Variants in ADGRV1 observed in about 807,000 individuals in gnomAD.
The protein encoded by ADGRV1 is G-protein coupled receptor 98.
A neutral mutation model predicts 596.2 loss-of-function variants in ADGRV1; 359 were observed. That is an observed-to-expected ratio of 0.60 (90% CI 0.55 to 0.66). The LOEUF is 0.66. Ranked by LOEUF, ADGRV1 falls within the 30% of genes least tolerant of loss-of-function variation. ADGRV1 has a pLI of 0.00. For synonymous variants in ADGRV1, 2,681 were observed against 2,679.2 expected (o/e 1.00, Z -0.02); for missense variants, 7,274 against 7,575.6 (o/e 0.96, Z 1.48).
chr5:90,696,810 T>C (rs1178949698), intron 33 of ADGRV1, 127 bp from the exon 34 acceptor site: 5 of 572,878 alleles, frequency 8.7e-6, no homozygotes, highest in Non-Finnish European at 1.2e-5. Flanking sequence ...GCCCATGATA[T>C]GGAACTGTTA....
chr5:90,647,697 A>G lies in ADGRV1; in HGVS notation c.3222A>G (p.Ile1074Met), dbSNP rs751404994. Residue 1074 changes from isoleucine (I) to methionine (M), a missense_variant, in exon 17 of 90, where the codon ATA (isoleucine) becomes ATG (methionine). By Grantham distance (10) the Ile-to-Met change is conservative. Around this residue, in one of 5 missense-constraint regions of ADGRV1, gnomAD observed 1,715 missense variants for 1,708.8 expected, o/e 1.00. Transcript: ENST00000405460. ...GAAGTAGACAGCAGAGCATATCCATATTTGTTAATGAAGATGGTATCCCGG... is the reference window on the plus strand; with the variant it reads ...GAAGTAGACAGCAGAGCATATCCATGTTTGTTAATGAAGATGGTATCCCGG... ...EVGSRQQSISIFVNEDGIPET... is the reference protein window; with the variant it reads ...EVGSRQQSISMFVNEDGIPET... 4.3e-6 allele frequency: 7 copies of G among 1,613,442 alleles called. No homozygotes were observed. In the South Asian group the frequency reaches 7.7e-5, roughly 18 times the overall value.
chr5:90,622,822 CCT>C lies in ADGRV1; in HGVS notation c.558+124_558+125del, dbSNP rs199840088. On this transcript the variant is annotated intron_variant, in intron 5 of 89. Transcript: ENST00000405460. ...GTGGTGCGATCTCAGCTCAATGCAA[CCT>C]CTGCCTCCCAGGTTCAAGTGATTCT... 28,317 of 387,674 alleles carry C rather than the reference CCT, an allele frequency of 0.073. 1,265 individuals are homozygous for C. The highest frequency in any genetic ancestry group is 0.097 in the Non-Finnish European group (21,423 of 221,226). The allele number at this position is 387,674 out of a possible 1,614,324, so 24.0% of individuals were successfully genotyped here.
chr5:90,783,294 A>T lies in ADGRV1; in HGVS notation c.13402A>T (p.Ile4468Leu), dbSNP rs1759056882. The T allele has an allele frequency of 6.2e-7, 1 of 1,612,838 alleles. No individual in the cohort carries two copies. Among genetic ancestry groups the T allele is most frequent in the Non-Finnish European group, 8.5e-7 (1 of 1,179,002 alleles). ...TCAGCATGGGCAAAACTTAAGTTTTATAAATATCTCCATCATTGATGACAA... is the reference window on the plus strand; with the variant it reads ...TCAGCATGGGCAAAACTTAAGTTTTTTAAATATCTCCATCATTGATGACAA... ...TFQHGQNLSF[I>L]NISIIDDNES... The change falls in exon 66 of 90, where the codon ATA becomes TTA. Residue 4468 changes from isoleucine (I) to leucine (L), a missense_variant. By Grantham distance (5) the Ile-to-Leu change is conservative (BLOSUM62 2). This residue lies in a region of ADGRV1 where 3,643 missense variants were observed against 3,809.2 expected (regional missense o/e 0.96). Coordinates refer to ENST00000405460, the MANE Select transcript of ADGRV1 (RefSeq NM_032119.4).
intron 50 of ADGRV1, among the ~76,000 whole-genome samples, chr5:90,739,342 G>A (rs2149875698): frequency 6.6e-6 from 1 of 151,628 alleles, no homozygotes; most frequent in Middle Eastern, 3.4e-3. Flanking sequence ...ATTTCTTTTG[G>A]TCATATTTCC....
intron 83 of ADGRV1, among the ~76,000 whole-genome samples, chr5:90,890,518 G>A (rs148251866): frequency 1.3e-5 from 2 of 152,256 alleles, no homozygotes; most frequent in African/African-American, 4.8e-5. Flanking sequence ...CCTGTTAAAT[G>A]AAGCATATTT....
At chr5:90,957,677 T>G (rs1326538654) in intron 83 of ADGRV1, among the ~76,000 whole-genome samples, 1 of 149,000 alleles carries the variant, frequency 6.7e-6, no homozygotes, top group Admixed American at 6.7e-5. Context: ...TATTACTATA[T>G]GAAGTTTTTC....
At chr5:90,766,384 A>G (rs1757150305) in intron 59 of ADGRV1, among the ~76,000 whole-genome samples, 1 of 152,116 alleles carries the variant, frequency 6.6e-6, no homozygotes, top group African/African-American at 2.4e-5. Flanking sequence ...TACCAAGTCT[A>G]GTCAGTTTTC....
rs527981170 is a variant in ADGRV1, at chr5:91,143,858, T to C, written c.18433-6172T>C. On this transcript the variant is annotated intron_variant, in intron 87 of 89. Transcript: ENST00000405460. ...GGGTGCCTGCAGGCCAGTGCTGAGC[T>C]GCCCTCAGCCCCCCTCAGCCTCCCT... Among the ~76,000 whole-genome samples the C allele has an allele frequency of 2.0e-5, 3 of 152,316 alleles. No homozygotes were observed. The East Asian group carries it at 5.8e-4, about 29-fold the overall frequency.
In ADGRV1 at chr5:90,840,948, A is replaced by G. The variant is rs1265128085; in HGVS notation, c.16982A>G (p.Asp5661Gly). The G allele has an allele frequency of 1.3e-5, 19 of 1,493,020 alleles. 1 individual carries two copies. In the South Asian group the frequency reaches 2.7e-4, roughly 21 times the overall value. 92.5% of individuals were successfully genotyped at this position (1,493,020 alleles called of 1,614,324 possible). ...ATGAAAGTGGCCACAGAAAACACAG[A>G]TGAACAACTCAGTGCCATGATGCAT... ...ISMKVATENTDEQLSAMMHLI... is the reference protein window; with the variant it reads ...ISMKVATENTGEQLSAMMHLI... The change falls in exon 78 of 90, where the codon GAT (aspartate) becomes GGT (glycine). Residue 5661 changes from aspartate to glycine, a missense_variant. Physicochemically the swap from Asp to Gly is moderately conservative, Grantham distance 94. Coordinates refer to ENST00000405460, the MANE Select transcript of ADGRV1 (RefSeq NM_032119.4).
At chr5:90,651,974 T>G (rs1009047022) in intron 18 of ADGRV1, among the ~76,000 whole-genome samples, 2 of 151,458 alleles carry the variant, frequency 1.3e-5, no homozygotes, top group African/African-American at 4.8e-5. Context: ...TTCAATCCTT[T>G]GTGAGACTGA....
chr5:91,161,864 T>TG (rs1395212783), intron 89 of ADGRV1, among the ~76,000 whole-genome samples: 2 of 152,206 alleles, frequency 1.3e-5, no homozygotes, highest in East Asian at 3.8e-4. Context: ...GGTATAGAGA[T>TG]GGGCCCTGAT....
Position 90,755,067 on chromosome 5 carries a change from A to G in ADGRV1, c.11462A>G (p.Asn3821Ser). ...DIAIHLRAQP[N>S]FLLHVDNQAT... is the part of the protein sequence containing the mutation. The stretch of plus-strand genomic sequence containing the variant: ...GCCATTCACTTGAGAGCTCAACCCA[A>G]TTTCTTACTGCATGTCGATAATCAA... The change falls in exon 55 of 90, where the codon AAT (asparagine) becomes AGT (serine). Residue 3821 changes from asparagine to serine, a missense_variant. Asn to Ser is a conservative substitution (Grantham distance 46). Around this residue, in one of 5 missense-constraint regions of ADGRV1, gnomAD observed 3,643 missense variants for 3,809.2 expected, o/e 0.96. Coordinates refer to ENST00000405460, the MANE Select transcript of ADGRV1 (RefSeq NM_032119.4). 2 of 1,612,106 alleles carry G rather than the reference A, an allele frequency of 1.2e-6. No homozygotes were observed. Among genetic ancestry groups the G allele is most frequent in the East Asian group, 2.2e-5 (1 of 44,864 alleles).
chr5:90,782,879 T>C (rs533087224), intron 65 of ADGRV1, among the ~76,000 whole-genome samples: 17 of 152,260 alleles, frequency 1.1e-4, no homozygotes, highest in Admixed American at 9.2e-4. Context: ...ATGCTACTGA[T>C]TAAATACATT....
At chr5:91,091,165 T>G (rs1018927552) in intron 86 of ADGRV1, among the ~76,000 whole-genome samples, 22 of 152,142 alleles carry the variant, frequency 1.4e-4, no homozygotes, top group Admixed American at 3.9e-4. Flanking sequence ...TCCCTCCCTC[T>G]CTTTTTCCCT....
At chr5:90,964,349 C>T (rs181103121) in intron 83 of ADGRV1, among the ~76,000 whole-genome samples, 58 of 152,088 alleles carry the variant, frequency 3.8e-4, no homozygotes, top group Middle Eastern at 6.8e-3. Flanking sequence ...TTTTAATAAA[C>T]GCTTATTGAT....
intron 38 of ADGRV1, among the ~76,000 whole-genome samples, chr5:90,707,793 A>G (rs1356563033): frequency 1.3e-5 from 2 of 151,964 alleles, no homozygotes; most frequent in African/African-American, 4.8e-5. Flanking sequence ...CCTTTATTTG[A>G]TCCTAGATCT....
At chr5:90,962,961 ATTAT>A (rs1315368214) in intron 83 of ADGRV1, among the ~76,000 whole-genome samples, 1 of 152,194 alleles carries the variant, frequency 6.6e-6, no homozygotes, top group Non-Finnish European at 1.5e-5. Context: ...AAAGAAAAGA[ATTAT>A]TTAAGTTAGC....
chr5:90,728,743 G>A lies in ADGRV1; in HGVS notation c.10236G>A (p.Leu3412=). ...TCCGAGGTGTGCTGACCGTGGCCTT[G>A]TTCAACAAGGGAGGCTCTGTGTTCT... ...LPVRGVLTVA[L]FNKGGSVFLA... is the part of the protein sequence containing the mutation. Residue 3412 remains leucine (L), a synonymous_variant, in exon 49 of 90, where the codon TTG becomes TTA. Coordinates refer to ENST00000405460, the MANE Select transcript of ADGRV1 (RefSeq NM_032119.4). 6.2e-7 allele frequency: 1 copy of A among 1,613,954 alleles called. No homozygotes were observed. Among genetic ancestry groups the A allele is most frequent in the Non-Finnish European group, 8.5e-7 (1 of 1,179,848 alleles).
At position 90,790,931 on chromosome 5, in the gene ADGRV1, G is replaced by C; in HGVS notation, c.14102G>C (p.Gly4701Ala). Residue 4701 changes from glycine to alanine, a missense_variant, in exon 70 of 90, where the codon GGA becomes GCA. Gly to Ala is a moderately conservative substitution (Grantham distance 60, BLOSUM62 0). This residue lies in a region of ADGRV1 where 1,874 missense variants were observed against 1,970.2 expected (regional missense o/e 0.95). Coordinates refer to ENST00000405460, the MANE Select transcript of ADGRV1 (RefSeq NM_032119.4). ...ACTGAAGACTTTCTTTCCACCAGTG[G>C]ATTTTTCACCATTGCTGATGGAGAG... Reference protein sequence around the residue: ...DITEDFLSTSGFFTIADGESE... With the variant: ...DITEDFLSTSAFFTIADGESE... 6.2e-7 allele frequency: 1 copy of C among 1,612,302 alleles called. No homozygotes were observed. The highest frequency in any genetic ancestry group is 8.5e-7 in the Non-Finnish European group (1 of 1,179,798).
Sources: allele counts gnomAD v4.1 joint callset (sites outside exome capture counted in the v4.1 genomes callset), GRCh38; gene constraint gnomAD v4.1.1; regional missense constraint gnomAD v4.1.1; transcripts MANE v1.5; gene names NCBI Gene and HGNC (gene_info 2026-07-23, HGNC 2026-07-21).